KCTD15: variants seen among roughly 807,000 people sequenced by gnomAD.
KCTD15 encodes the protein potassium channel tetramerization domain containing 15, also known as BTB/POZ domain-containing protein KCTD15.
In KCTD15, 11 loss-of-function variants were observed where a neutral mutation model predicts 27.2. That is an observed-to-expected ratio of 0.41 (90% CI 0.25 to 0.67). The LOEUF (loss-of-function observed/expected upper bound fraction) is 0.67. KCTD15 is among the 30% of genes least tolerant of loss of function. KCTD15 has a pLI of 0.35. For synonymous variants in KCTD15, 163 were observed against 176.0 expected (o/e 0.93, Z 0.58); for missense variants, 350 against 409.3 (o/e 0.86, Z 1.25).
chr19:33,811,193 C>CCCCCCCCCCCCCAAAA, intron 5 of KCTD15, 54 bp from the exon 6 acceptor site: 1 of 1,195,200 alleles, frequency 8.4e-7, no homozygotes. Context: ...CTCCCCCTTC[C>CCCCCCCCCCCCCAAAA]CCCACCACCC....
chr19:33,801,074 C>A, intron 3 of KCTD15, 93 bp from the exon 4 acceptor site: 1 of 1,218,114 alleles, frequency 8.2e-7, no homozygotes, highest in Non-Finnish European at 1.1e-6. Flanking sequence ...TCTGTGATCA[C>A]ACTCTCAATA....
chr19:33,812,081 T>C, intron 6 of KCTD15: 1 of 1,342,726 alleles, frequency 7.4e-7, no homozygotes, highest in Non-Finnish European at 9.5e-7. Context: ...ACCCAAGAGC[T>C]TGGCACATTT....
rs1294344199 is a variant in KCTD15 at position 33,814,986 on chromosome 19, C to T, written c.*2038C>T. The T allele has an allele frequency of 2.6e-5, 4 of 152,168 alleles. No individual in the cohort carries two copies. Among genetic ancestry groups the T allele is most frequent in the Non-Finnish European group, 5.9e-5 (4 of 68,042 alleles). 9.4% of individuals were successfully genotyped at this position (152,168 alleles called of 1,614,324 possible). ...GCAACGAGCCTATAGTTAGTTGGCA[C>T]ATCTGCGTTTTGGCATCTGAGGCTC... On this transcript the variant is annotated 3_prime_UTR_variant, in exon 7 of 7. Transcript: ENST00000683859.
chr19:33,803,503 C>T (rs1599675799), intron 4 of KCTD15, among the ~76,000 whole-genome samples: 1 of 152,032 alleles, frequency 6.6e-6, no homozygotes, highest in Admixed American at 6.5e-5. Context: ...GCTGGGACCT[C>T]TACCCTCGGC....
intron 1 of KCTD15, among the ~76,000 whole-genome samples, 179 bp downstream of exon 1, chr19:33,797,166 G>C (rs1975345314): frequency 6.6e-6 from 1 of 152,026 alleles, no homozygotes; most frequent in South Asian, 2.1e-4. Flanking sequence ...CCTGGTGCAA[G>C]AGTGGGGTTG....
rs3046573 is a variant in KCTD15, at chr19:33,814,792, G to GCATTTT, written c.*1844_*1845insCATTTT. The GCATTTT allele has an allele frequency of 6.6e-6, 1 of 152,194 alleles. No individual in the cohort carries two copies. The highest frequency in any genetic ancestry group is 6.5e-5 in the Admixed American group (1 of 15,274). 9.4% of individuals were successfully genotyped at this position (152,194 alleles called of 1,614,324 possible). On this transcript the variant is annotated 3_prime_UTR_variant, in exon 7 of 7. Transcript: ENST00000683859. ...TTGCATTTTTTCTCAAAGCCCTTAT[G>GCATTTT]TTCTAACCCATGAGAACCATTTTAC...
chr19:33,811,593 C>A, intron 6 of KCTD15, 41 bp downstream of exon 6: 4 of 1,570,978 alleles, frequency 2.5e-6, no homozygotes, highest in Admixed American at 1.7e-5. Context: ...GCACCCCCGG[C>A]GTCCGCGGAG....
chr19:33,800,640 C>T, intron 3 of KCTD15, 120 bp downstream of exon 3: 1 of 865,100 alleles, frequency 1.2e-6, no homozygotes, highest in Non-Finnish European at 1.8e-6. Context: ...TGTTGACTGG[C>T]TGTAGGATTA....
rs529893818 is a variant in KCTD15, at chr19:33,805,226, C to T, written c.243-1637C>T. ...TGTGAGCCACGGTGCCCAGCTAAAC[C>T]GTGCCCTTTATACTACCCTGCTAGG... On this transcript the variant is annotated intron_variant, in intron 4 of 6. Coordinates refer to ENST00000683859, the MANE Select transcript of KCTD15 (RefSeq NM_001129994.2). 3.9e-5 allele frequency among the ~76,000 whole-genome samples: 6 copies of T among 152,230 alleles called. No homozygotes were observed. The South Asian group carries it at 6.2e-4, about 16-fold the overall frequency.
chr19:33,801,374 G>T, intron 4 of KCTD15, 32 bp downstream of exon 4: 1 of 1,571,854 alleles, frequency 6.4e-7, no homozygotes, highest in Non-Finnish European at 8.7e-7. Flanking sequence ...CATCAGGCAT[G>T]TGTGGGTCAG....
upstream of KCTD15, among the ~76,000 whole-genome samples, chr19:33,794,145 C>A (rs547616219): frequency 6.6e-6 from 1 of 152,116 alleles, no homozygotes; most frequent in Non-Finnish European, 1.5e-5. Flanking sequence ...TCACCAGTAC[C>A]ATGGTGAGAT....
chr19:33,801,018 T>C (rs1975520676), intron 3 of KCTD15, 149 bp from the exon 4 acceptor site: 1 of 680,016 alleles, frequency 1.5e-6, no homozygotes, highest in African/African-American at 1.8e-5. Context: ...CCATAATTTG[T>C]CAGCTGAATA....
At chr19:33,811,786 A>G (rs779431529) in intron 6 of KCTD15, 76 of 1,595,118 alleles carry the variant, frequency 4.8e-5, no homozygotes, top group Admixed American at 1.6e-4. Context: ...TTTTTTTTCC[A>G]AAAGGATGTT....
At chr19:33,796,450 T>TGCGACTCTAATC (rs1168137433), upstream of KCTD15, 1 of 149,632 alleles carries the variant, frequency 6.7e-6, no homozygotes, top group Non-Finnish European at 1.5e-5. Context: ...CGGAGCTAAT[T>TGCGACTCTAATC]GCGACTCTAA....
At chr19:33,806,672 C>T (rs1344996776) in intron 4 of KCTD15, among the ~76,000 whole-genome samples, 191 bp from the exon 5 acceptor site, 2 of 152,022 alleles carry the variant, frequency 1.3e-5, no homozygotes, top group Non-Finnish European at 2.9e-5. Flanking sequence ...TGTGGTGTGT[C>T]CTGTTAACTG....
intron 5 of KCTD15, 140 bp downstream of exon 5, chr19:33,807,147 T>C (rs1975738894): frequency 1.9e-6 from 2 of 1,042,554 alleles, no homozygotes; most frequent in South Asian, 3.2e-5. Context: ...TAAATCAGTT[T>C]TTCTAAACTA....
Position 33,813,237 on chromosome 19 carries a change from C to T in KCTD15, c.*289C>T, listed in dbSNP as rs1365128607. The T allele has an allele frequency of 1.6e-6, 1 of 631,130 alleles. No individual in the cohort carries two copies. The highest frequency in any genetic ancestry group is 2.9e-6 in the Non-Finnish European group (1 of 340,522). The allele number at this position is 631,130 out of a possible 1,614,324, so 39.1% of individuals were successfully genotyped here. A position where few individuals can be genotyped will look rare whatever the true frequency, so the allele number is the denominator to read the frequency against. On this transcript the variant is annotated 3_prime_UTR_variant, in exon 7 of 7. Transcript: ENST00000683859. ...AGCCTGGCGCAGCATCCTCTGAGGCCCCGGGGCCTGTTGGGGCGGGGTTGG... is the reference window on the plus strand; with the variant it reads ...AGCCTGGCGCAGCATCCTCTGAGGCTCCGGGGCCTGTTGGGGCGGGGTTGG...
Position 33,805,142 on chromosome 19 carries a change from C to T in KCTD15, c.243-1721C>T, listed in dbSNP as rs141471176. On this transcript the variant is annotated intron_variant, in intron 4 of 6. Transcript: ENST00000683859. Reference sequence around the variant, plus strand: ...CTTGCTGCGTTGCCTAGGCTGGTCTCGAACCCCTGGCCTCAAGCAGTCCTC... The same window carrying T: ...CTTGCTGCGTTGCCTAGGCTGGTCTTGAACCCCTGGCCTCAAGCAGTCCTC... 7.6e-3 allele frequency among the ~76,000 whole-genome samples: 1,153 copies of T among 152,226 alleles called. 13 individuals carry two copies. The highest frequency in any genetic ancestry group is 0.026 in the African/African-American group (1,096 of 41,524).
intron 5 of KCTD15, among the ~76,000 whole-genome samples, chr19:33,809,175 A>T (rs887710859): frequency 1.3e-5 from 2 of 151,764 alleles, no homozygotes; most frequent in African/African-American, 2.4e-5. Flanking sequence ...TACTCGGGAG[A>T]CTGAGACAGG....
Sources: gnomAD v4.1 joint callset for allele counts (sites outside exome capture counted in the v4.1 genomes callset) on GRCh38, gnomAD v4.1.1 for gene constraint, MANE v1.5 for transcripts, NCBI Gene and HGNC (gene_info 2026-07-23, HGNC 2026-07-21) for gene names.